MYO16: variants seen among roughly 807,000 people sequenced by gnomAD.
The protein encoded by MYO16 is unconventional myosin-XVI.
Under a neutral mutation model 205.3 loss-of-function variants are expected in MYO16, and 94 were observed. The observed-to-expected ratio is 0.46, with a 90% CI of 0.39 to 0.54. The LOEUF is 0.54. MYO16 is among the 20% of genes least tolerant of loss of function. The pLI is 0.00. For synonymous variants in MYO16, 988 were observed against 954.0 expected (o/e 1.04, Z -0.66); for missense variants, 2,315 against 2,387.5 (o/e 0.97, Z 0.63).
Position 109,140,517 on chromosome 13 carries a change from C to G in MYO16, c.4305C>G (p.Ile1435Met). ...AGGACGACAGCGAGCCTGTGTACAT[C>G]GAGATGCTGGGGCACGCGGCCAGGC... is the stretch of plus-strand genomic sequence containing the variant. ...GDEDDSEPVY[I>M]EMLGHAARPD... The change falls in exon 32 of 35, where the codon ATC becomes ATG. Residue 1435 changes from isoleucine (I) to methionine (M), a missense_variant. Physicochemically the swap from Ile to Met is conservative, Grantham distance 10 (BLOSUM62 1). Coordinates refer to ENST00000457511, the MANE Select transcript of MYO16 (RefSeq NM_001198950.3). The surrounding 1 kb of genome is among the most constrained non-coding windows in gnomAD (Gnocchi z 8.0). 6.4e-7 allele frequency: 1 copy of G among 1,552,730 alleles called. No homozygotes were observed. Among genetic ancestry groups the G allele is most frequent in the Non-Finnish European group, 8.6e-7 (1 of 1,157,478 alleles).
the MYO16 span, among the ~76,000 whole-genome samples, chr13:108,497,714 A>G: frequency 6.6e-6 from 1 of 152,144 alleles, no homozygotes; most frequent in Non-Finnish European, 1.5e-5. Context: ...TGCACGTGTA[A>G]TTAATACTAT....
chr13:108,877,869 T>C (rs1333671233), intron 12 of MYO16, among the ~76,000 whole-genome samples: 2 of 152,220 alleles, frequency 1.3e-5, no homozygotes, highest in African/African-American at 4.8e-5. Context: ...ATAATTTATA[T>C]TTTTGAATCC....
At chr13:108,735,256 C>G (rs1474241353) in intron 4 of MYO16, among the ~76,000 whole-genome samples, 1 of 145,552 alleles carries the variant, frequency 6.9e-6, no homozygotes. Flanking sequence ...ATGCTATCCC[C>G]CCTCCCGCCC....
the MYO16 span, among the ~76,000 whole-genome samples, chr13:108,547,304 C>T: frequency 2.6e-5 from 4 of 151,752 alleles, no homozygotes; most frequent in East Asian, 1.9e-4. Context: ...GATAAAACTC[C>T]GGACTGTTGA....
At chr13:108,756,236 TTAAATA>T (rs1221473322) in intron 4 of MYO16, among the ~76,000 whole-genome samples, 1 of 151,460 alleles carries the variant, frequency 6.6e-6, no homozygotes, top group East Asian at 1.9e-4. Context: ...AAAATGCTCT[TTAAATA>T]TAAGAGCATA....
chr13:109,181,308 C>T (rs967596214), intron 34 of MYO16, among the ~76,000 whole-genome samples: 6 of 152,166 alleles, frequency 3.9e-5, no homozygotes, highest in Non-Finnish European at 5.9e-5. Context: ...TGGGCACTCA[C>T]GTGATGAGAC....
intron 20 of MYO16, among the ~76,000 whole-genome samples, chr13:108,987,480 A>G (rs1884682797): frequency 1.3e-5 from 2 of 152,244 alleles, no homozygotes. Flanking sequence ...CATCAGGCCA[A>G]TTAAGGAAAG....
chr13:108,715,837 T>C (rs1883922856), intron 3 of MYO16, among the ~76,000 whole-genome samples: 1 of 152,140 alleles, frequency 6.6e-6, no homozygotes, highest in Non-Finnish European at 1.5e-5. Flanking sequence ...AACCCATTTG[T>C]CCAAGCTCTC....
At chr13:108,829,513 A>ATATCAGG (rs1271072811) in intron 9 of MYO16, among the ~76,000 whole-genome samples, 1 of 152,148 alleles carries the variant, frequency 6.6e-6, no homozygotes, top group East Asian at 1.9e-4. Context: ...TAATATCATA[A>ATATCAGG]AAAACCAGCT....
chr13:108,714,606 G>T (rs961141483), intron 3 of MYO16, among the ~76,000 whole-genome samples: 4 of 142,726 alleles, frequency 2.8e-5, no homozygotes, highest in Non-Finnish European at 6.0e-5. Context: ...GTGTGTGTGT[G>T]TGTGTGTATA....
chr13:108,617,347 AC>A (rs1394555465), intron 1 of MYO16, among the ~76,000 whole-genome samples: 4 of 151,908 alleles, frequency 2.6e-5, no homozygotes, highest in Admixed American at 2.6e-4. Flanking sequence ...GGACTGCATC[AC>A]TCTTTCATAC....
intron 4 of MYO16, among the ~76,000 whole-genome samples, chr13:108,729,919 G>C (rs921917970): frequency 8.5e-5 from 13 of 152,196 alleles, no homozygotes; most frequent in Admixed American, 3.9e-4. Flanking sequence ...TGCAGGAACA[G>C]CCCTGAATTG....
intron 27 of MYO16, among the ~76,000 whole-genome samples, chr13:109,095,314 C>G (rs1057263037): frequency 6.6e-6 from 1 of 151,990 alleles, no homozygotes; most frequent in African/African-American, 2.4e-5. Flanking sequence ...GGATAAGTCC[C>G]TCTCCAGTTG....
chr13:108,523,364 G>A, the MYO16 span, among the ~76,000 whole-genome samples: 2 of 152,128 alleles, frequency 1.3e-5, no homozygotes, highest in Admixed American at 6.5e-5. Flanking sequence ...TTCCATTGCC[G>A]CTGCCCAGCT....
intron 1 of MYO16, among the ~76,000 whole-genome samples, chr13:108,631,265 G>A (rs1329596253): frequency 3.3e-5 from 5 of 152,158 alleles, no homozygotes; most frequent in East Asian, 3.9e-4. Context: ...TAGACACATT[G>A]AACACACCTG....
intron 4 of MYO16, among the ~76,000 whole-genome samples, chr13:108,737,644 G>A (rs1884752350): frequency 6.6e-6 from 1 of 152,118 alleles, no homozygotes; most frequent in Non-Finnish European, 1.5e-5. Flanking sequence ...GATGATGTTG[G>A]CCTCATAAAA....
chr13:109,058,271 C>T (rs902409029), intron 27 of MYO16, among the ~76,000 whole-genome samples: 39 of 152,152 alleles, frequency 2.6e-4, no homozygotes, highest in African/African-American at 8.9e-4. Context: ...GTGATCAAAG[C>T]AAACTTGTGG....
At chr13:109,022,687 C>CGT (rs1555325073) in intron 23 of MYO16, among the ~76,000 whole-genome samples, 4 of 110,384 alleles carry the variant, frequency 3.6e-5, no homozygotes, top group African/African-American at 7.1e-5. Flanking sequence ...CACATATAAA[C>CGT]ATGTATATAT....
At chr13:109,111,513 G>A (rs1889283944) in intron 28 of MYO16, among the ~76,000 whole-genome samples, 2 of 152,172 alleles carry the variant, frequency 1.3e-5, no homozygotes, top group Admixed American at 6.5e-5. Context: ...CTTTGAAAAA[G>A]CTGGAAGTAT....
Sources: allele counts gnomAD v4.1 joint callset (sites outside exome capture counted in the v4.1 genomes callset), GRCh38; gene constraint gnomAD v4.1.1; non-coding constraint Gnocchi (gnomAD v3.1); transcripts MANE v1.5; gene names NCBI Gene and HGNC (gene_info 2026-07-23, HGNC 2026-07-21).